Variants in PPP2R1A observed in about 807,000 individuals in gnomAD.
The protein encoded by PPP2R1A is protein phosphatase 2 scaffold subunit Aalpha, also known as serine/threonine-protein phosphatase 2A 65 kDa regulatory subunit A alpha isoform.
PPP2R1A carries 15 observed loss-of-function variants against 67.1 expected under a neutral mutation model. That is an observed-to-expected ratio of 0.22 (90% CI 0.15 to 0.34). The LOEUF (loss-of-function observed/expected upper bound fraction) is 0.34. Among genes scored for constraint, PPP2R1A ranks in the 10% least tolerant of loss-of-function variants. The pLI, the probability that PPP2R1A is intolerant of heterozygous loss-of-function variation, is 1.00. For missense variants in PPP2R1A, 369 were observed against 775.0 expected (o/e 0.48, Z 6.22); for synonymous variants, 337 against 325.0 (o/e 1.04, Z -0.40).
At chr19:52,220,036 A>G (rs138288050) in intron 10 of PPP2R1A, among the ~76,000 whole-genome samples, 153 bp from the exon 11 acceptor site, 2 of 152,284 alleles carry the variant, frequency 1.3e-5, no homozygotes, top group East Asian at 3.9e-4. Flanking sequence ...CATTGGATTC[A>G]ATAAGAGAGA....
chr19:52,210,093 A>AT lies in PPP2R1A; in HGVS notation c.271-1157dup, dbSNP rs111346713. On this transcript the variant is annotated intron_variant, in intron 3 of 14. Coordinates refer to ENST00000322088, the MANE Select transcript of PPP2R1A (RefSeq NM_014225.6). ...AGCCCTGGAGGCATTTCCATTTATG[A>AT]TTTTTTTTTTCCTGCTTTAAATACC... Among the ~76,000 whole-genome samples, 308 of 150,328 alleles carry AT rather than the reference A, an allele frequency of 2.0e-3. 2 individuals are homozygous for AT. Among genetic ancestry groups the AT allele is most frequent in the African/African-American group, 6.8e-3 (279 of 40,952 alleles).
At chr19:52,220,630 A>G (rs1978858268) in intron 11 of PPP2R1A, among the ~76,000 whole-genome samples, 1 of 152,128 alleles carries the variant, frequency 6.6e-6, no homozygotes. Flanking sequence ...CTCATTGTTT[A>G]CACTAAGAGA....
intron 13 of PPP2R1A, chr19:52,222,496 TA>T (rs1297817575): frequency 1.0e-4 from 39 of 381,320 alleles, no homozygotes; most frequent in African/African-American, 7.9e-4. Context: ...GAAATCACCT[TA>T]TGTTTTATAT....
chr19:52,223,078 A>G (rs138686845), intron 13 of PPP2R1A, among the ~76,000 whole-genome samples: 7 of 152,358 alleles, frequency 4.6e-5, no homozygotes, highest in African/African-American at 1.4e-4. Context: ...GAACACAAGC[A>G]TATTTAAATC....
At chr19:52,190,451 G>T (rs1348869331) in intron 1 of PPP2R1A, among the ~76,000 whole-genome samples, 1 of 152,234 alleles carries the variant, frequency 6.6e-6, no homozygotes, top group African/African-American at 2.4e-5. Flanking sequence ...TGTGGCCAGG[G>T]CTGGGGTCTG....
At chr19:52,195,167 G>A (rs768260910) in intron 1 of PPP2R1A, among the ~76,000 whole-genome samples, 1 of 152,122 alleles carries the variant, frequency 6.6e-6, no homozygotes, top group Non-Finnish European at 1.5e-5. Context: ...CTTCAAAAGT[G>A]GGTCCCCTTT....
chr19:52,207,870 A>G (rs1304823997), intron 3 of PPP2R1A, among the ~76,000 whole-genome samples: 2 of 152,096 alleles, frequency 1.3e-5, no homozygotes, highest in African/African-American at 4.8e-5. Flanking sequence ...AGCTGTAAAC[A>G]AGGGAGGCAG....
rs929930738 is a variant in PPP2R1A at position 52,201,695 on chromosome 19, G to A, written c.79-249G>A. On this transcript the variant is annotated intron_variant, in intron 1 of 14. Coordinates refer to ENST00000322088, the MANE Select transcript of PPP2R1A (RefSeq NM_014225.6). ...GAGTGGTCCTGGAAAGTGCAACTGA[G>A]TAGGTGTCACCTTCATAAGACCCAA... 9 of 502,320 alleles carry A rather than the reference G, an allele frequency of 1.8e-5. No individual in the cohort carries two copies. In the East Asian group the frequency reaches 2.4e-4, roughly 14 times the overall value. 31.1% of individuals were successfully genotyped at this position (502,320 alleles called of 1,614,324 possible). A position where few individuals can be genotyped will look rare whatever the true frequency, so the allele number is the denominator to read the frequency against.
chr19:52,214,026 A>G (rs1022716212), intron 6 of PPP2R1A, among the ~76,000 whole-genome samples: 2 of 152,140 alleles, frequency 1.3e-5, no homozygotes, highest in African/African-American at 4.8e-5. Flanking sequence ...TTGATTATAA[A>G]GTGTCACAGG....
intron 2 of PPP2R1A, among the ~76,000 whole-genome samples, chr19:52,202,636 T>G (rs1434251003): frequency 6.6e-6 from 1 of 152,014 alleles, no homozygotes; most frequent in Non-Finnish European, 1.5e-5. Context: ...TTGCCCAAGG[T>G]CATGCAGTGA....
At chr19:52,225,836 GC>G (rs756484291) in intron 14 of PPP2R1A, 28 bp downstream of exon 14, 1 of 1,612,498 alleles carries the variant, frequency 6.2e-7, no homozygotes, top group South Asian at 1.1e-5. Context: ...CGGAGCCCTA[GC>G]AGGAGGGTGG....
Position 52,226,610 on chromosome 19 carries a change from T to C in PPP2R1A, c.*629T>C. On this transcript the variant is annotated 3_prime_UTR_variant, in exon 15 of 15. Transcript: ENST00000322088. Reference sequence around the variant, plus strand: ...TAGAGGGTCCATGAGGTGCTCTGGGTGGTGTCCTGTAGTGCAGTTCAGATT... The same window carrying C: ...TAGAGGGTCCATGAGGTGCTCTGGGCGGTGTCCTGTAGTGCAGTTCAGATT... The C allele has an allele frequency of 5.3e-6, 1 of 187,566 alleles. No individual in the cohort carries two copies. The highest frequency in any genetic ancestry group is 1.1e-5 in the Non-Finnish European group (1 of 89,160). The allele number at this position is 187,566 out of a possible 1,614,324, so 11.6% of individuals were successfully genotyped here. A position where few individuals can be genotyped will look rare whatever the true frequency, so the allele number is the denominator to read the frequency against.
intron 2 of PPP2R1A, among the ~76,000 whole-genome samples, 165 bp downstream of exon 2, chr19:52,202,199 A>T (rs1453002956): frequency 6.6e-6 from 1 of 152,226 alleles, no homozygotes; most frequent in Non-Finnish European, 1.5e-5. Context: ...TCTTGCTCTA[A>T]AAGAATGGTC....
Position 52,216,454 on chromosome 19 carries a change from G to C in PPP2R1A, c.994-75G>C, listed in dbSNP as rs1207466485. The C allele has an allele frequency of 1.3e-6, 2 of 1,559,102 alleles. No individual in the cohort carries two copies. The highest frequency in any genetic ancestry group is 1.8e-6 in the Non-Finnish European group (2 of 1,135,138). On this transcript the variant is annotated intron_variant, in intron 8 of 14. Transcript: ENST00000322088. The surrounding 1 kb of genome is among the most constrained non-coding windows in gnomAD (Gnocchi z 4.3). ...GCAGAAGCAGGTTATTGTCTCTTAG[G>C]AGTTGGCATCTGCTTAGCCACTTGC...
At chr19:52,215,490 T>G (rs1265279882) in intron 6 of PPP2R1A, among the ~76,000 whole-genome samples, 1 of 152,240 alleles carries the variant, frequency 6.6e-6, no homozygotes, top group East Asian at 1.9e-4. Context: ...AACAGAAAAC[T>G]TAACCTCAGT....
intron 1 of PPP2R1A, among the ~76,000 whole-genome samples, chr19:52,200,910 C>G (rs1178595178): frequency 6.6e-6 from 1 of 152,242 alleles, no homozygotes; most frequent in Non-Finnish European, 1.5e-5. Context: ...CACTTAACTA[C>G]GTCTGCAAAG....
chr19:52,190,420 C>T lies in PPP2R1A; in HGVS notation c.78+246C>T, dbSNP rs368396783. 5.1e-5 allele frequency: 29 copies of T among 563,392 alleles called. No individual in the cohort carries two copies. In the East Asian group the frequency reaches 6.1e-4, roughly 12 times the overall value. 34.9% of individuals were successfully genotyped at this position (563,392 alleles called of 1,614,324 possible). A position where few individuals can be genotyped will look rare whatever the true frequency, so the allele number is the denominator to read the frequency against. ...TCCCGGGCCTGCCCTGTGCGCGCGG[C>T]GGTCCGCGGTCCTGGGAGGTTGTGG... On this transcript the variant is annotated intron_variant, in intron 1 of 14. Transcript: ENST00000322088.
rs1392132318 is a variant in PPP2R1A, at chr19:52,227,190, AGTG to A, written c.*1212_*1214del. On this transcript the variant is annotated 3_prime_UTR_variant, in exon 15 of 15. Transcript: ENST00000322088. ...TCTAGCCAAAAAGATGTTGAACAGA[AGTG>A]GTATATGCAGCTTCTAGGAAGTGTT... 1 of 152,186 alleles carries A rather than the reference AGTG, an allele frequency of 6.6e-6. No individual in the cohort carries two copies. The highest frequency in any genetic ancestry group is 1.5e-5 in the Non-Finnish European group (1 of 68,038). The allele number at this position is 152,186 out of a possible 1,614,324, so 9.4% of individuals were successfully genotyped here.
intron 1 of PPP2R1A, chr19:52,190,421 G>C (rs1344868084): frequency 1.2e-5 from 7 of 566,752 alleles, no homozygotes; most frequent in Non-Finnish European, 2.2e-5. Context: ...TGCGCGCGGC[G>C]GTCCGCGGTC....
Sources: gnomAD v4.1 joint callset for allele counts (sites outside exome capture counted in the v4.1 genomes callset) on GRCh38, gnomAD v4.1.1 for gene constraint, Gnocchi (gnomAD v3.1) non-coding constraint, MANE v1.5 for transcripts, NCBI Gene and HGNC (gene_info 2026-07-23, HGNC 2026-07-21) for gene names.